CFAP47: variants seen among roughly 807,000 people sequenced by gnomAD.
CFAP47 encodes the protein cilia- and flagella-associated protein 47.
In CFAP47, 29 loss-of-function variants were observed where a neutral mutation model predicts 148.1. The ratio of observed to expected loss-of-function variants is 0.20; its 90% CI spans 0.15 to 0.27. The LOEUF (loss-of-function observed/expected upper bound fraction) is 0.27, where lower values mean the gene tolerates loss of function less well. Among genes scored for constraint, CFAP47 ranks in the 10% least tolerant of loss-of-function variants. The probability of loss-of-function intolerance (pLI) is 1.00; values close to 1 mark genes in which losing one functional copy is unlikely to be tolerated. For missense variants in CFAP47, 1,872 were observed against 1,697.5 expected, an observed-to-expected ratio of 1.10 and a Z score of -1.81; for synonymous variants, 664 against 577.3, an observed-to-expected ratio of 1.15 and a Z score of -2.15.
At chrX:36,087,967 G>A (rs1938117554) in intron 30 of CFAP47, among the ~76,000 whole-genome samples, 2 of 111,473 alleles carry the variant, frequency 1.8e-5, no homozygotes, top group Non-Finnish European at 3.8e-5. Flanking sequence ...TCTGCTGGCA[G>A]ATAAACTCTT....
intron 8 of CFAP47, among the ~76,000 whole-genome samples, chrX:35,961,111 T>C (rs1687669342): frequency 9.0e-6 from 1 of 111,697 alleles, no homozygotes; most frequent in African/African-American, 3.2e-5. Flanking sequence ...AAAATGATAA[T>C]GTGATTTTGT....
intron 37 of CFAP47, among the ~76,000 whole-genome samples, chrX:36,157,897 A>G (rs1939387884): frequency 8.9e-6 from 1 of 111,981 alleles, no homozygotes; most frequent in African/African-American, 3.2e-5. Context: ...TCAAGGTCAA[A>G]TGTTCTTTGT....
intron 52 of CFAP47, 63 bp downstream of exon 52, chrX:36,299,215 A>G: frequency 1.5e-6 from 1 of 671,180 alleles, no homozygotes; most frequent in Non-Finnish European, 2.0e-6. Flanking sequence ...TTTAAAATTT[A>G]TTTTTTCTTA....
intron 54 of CFAP47, among the ~76,000 whole-genome samples, 195 bp from the exon 55 acceptor site, chrX:36,306,577 A>G (rs1941350764): frequency 9.0e-6 from 1 of 110,840 alleles, no homozygotes; most frequent in African/African-American, 3.3e-5. Flanking sequence ...TGATGTGATC[A>G]CCCCCAAACA....
At chrX:36,229,655 A>C (rs1189092786) in intron 46 of CFAP47, among the ~76,000 whole-genome samples, 3 of 109,563 alleles carry the variant, frequency 2.7e-5, no homozygotes, top group Non-Finnish European at 5.7e-5. Flanking sequence ...ACATGTGCAC[A>C]ATCTGCAGGT....
At chrX:36,054,873 C>T (rs367609907) in intron 26 of CFAP47, among the ~76,000 whole-genome samples, 3 of 110,040 alleles carry the variant, frequency 2.7e-5, no homozygotes, top group East Asian at 2.9e-4. Context: ...CCCGGGTTCA[C>T]GCCATTCTCC....
intron 25 of CFAP47, among the ~76,000 whole-genome samples, chrX:36,039,571 C>T (rs182634639): frequency 8.9e-5 from 10 of 112,395 alleles, no homozygotes; most frequent in Admixed American, 6.6e-4. Flanking sequence ...GCTGTCTTAG[C>T]TGCATCCTCT....
chrX:36,337,856 CT>C (rs1196038760), intron 57 of CFAP47, among the ~76,000 whole-genome samples: 2,894 of 58,220 alleles, frequency 0.05, 60 homozygotes, highest in African/African-American at 0.13. Context: ...TTCCATAATC[CT>C]TTTTTTTTTT....
At chrX:36,031,598 TTAA>T (rs922152168) in intron 23 of CFAP47, among the ~76,000 whole-genome samples, 1 of 109,948 alleles carries the variant, frequency 9.1e-6, no homozygotes, top group African/African-American at 3.3e-5. Context: ...ACGCATATAA[TTAA>T]TAAGAATATT....
At chrX:35,929,957 C>A (rs1935801540) in intron 2 of CFAP47, among the ~76,000 whole-genome samples, 1 of 110,858 alleles carries the variant, frequency 9.0e-6, no homozygotes, top group African/African-American at 3.3e-5. Context: ...TGAAATCATG[C>A]CAATGCACTT....
At chrX:36,343,170 C>G (rs912289914) in intron 57 of CFAP47, among the ~76,000 whole-genome samples, 1 of 111,556 alleles carries the variant, frequency 9.0e-6, no homozygotes, top group Admixed American at 9.6e-5. Flanking sequence ...GCATAGTATT[C>G]CATGGTCAGT....
chrX:36,145,996 C>A (rs1414787399), intron 36 of CFAP47, among the ~76,000 whole-genome samples: 1 of 110,475 alleles, frequency 9.1e-6, no homozygotes, highest in African/African-American at 3.3e-5. Flanking sequence ...GGTTCAATCT[C>A]TTTTATTTAC....
At chrX:35,954,978 A>T (rs1203761522) in intron 7 of CFAP47, among the ~76,000 whole-genome samples, 1 of 112,007 alleles carries the variant, frequency 8.9e-6, no homozygotes, top group South Asian at 3.7e-4. Context: ...ATCTGTAATC[A>T]CTAATCCCAA....
At chrX:36,134,939 A>G (rs1283430044) in intron 33 of CFAP47, among the ~76,000 whole-genome samples, 3 of 111,314 alleles carry the variant, frequency 2.7e-5, no homozygotes, top group Non-Finnish European at 5.7e-5. Flanking sequence ...ATCACCAAAA[A>G]AAGATAGAAA....
intron 51 of CFAP47, among the ~76,000 whole-genome samples, chrX:36,286,279 T>C (rs1002496199): frequency 1.4e-4 from 16 of 111,269 alleles, no homozygotes; most frequent in Non-Finnish European, 1.9e-5. Flanking sequence ...TTAACAATGT[T>C]TTAGTTAAAT....
intron 33 of CFAP47, among the ~76,000 whole-genome samples, chrX:36,127,257 A>C (rs966206558): frequency 1.4e-4 from 16 of 111,752 alleles, no homozygotes; most frequent in Admixed American, 4.8e-4. Context: ...ATCCAACTTC[A>C]GTTAATTTTT....
intron 2 of CFAP47, among the ~76,000 whole-genome samples, chrX:35,937,409 G>A (rs2336390): frequency 0.19 from 20,419 of 108,925 alleles, 1,590 homozygotes; most frequent in African/African-American, 0.28. Flanking sequence ...TTGGTTGGGG[G>A]ATTGTGAGAC....
chrX:36,031,465 C>T, intron 23 of CFAP47, 118 bp downstream of exon 23: 2 of 260,520 alleles, frequency 7.7e-6, no homozygotes. Context: ...TTAATTTCTC[C>T]CCAATTGTTT....
At chrX:36,027,383 G>A (rs1157381569) in intron 22 of CFAP47, among the ~76,000 whole-genome samples, 2 of 108,664 alleles carry the variant, frequency 1.8e-5, no homozygotes, top group African/African-American at 6.7e-5. Flanking sequence ...TACTCCATGG[G>A]GTATGTCCAT....
Sources: gnomAD v4.1 joint callset for allele counts (sites outside exome capture counted in the v4.1 genomes callset) on GRCh38, gnomAD v4.1.1 for gene constraint, MANE v1.5 for transcripts, NCBI Gene and HGNC (gene_info 2026-07-23, HGNC 2026-07-21) for gene names.